ATP6V1H: variants seen among roughly 807,000 people sequenced by gnomAD.
The protein encoded by ATP6V1H is ATPase H+ transporting V1 subunit H, also known as V-type proton ATPase subunit H.
ATP6V1H carries 39 observed loss-of-function variants against 71.7 expected under a neutral mutation model. The ratio of observed to expected loss-of-function variants is 0.54; its 90% confidence interval spans 0.42 to 0.71. The LOEUF is 0.71. ATP6V1H is among the 30% of genes least tolerant of loss of function. ATP6V1H has a pLI of 0.00. For synonymous variants in ATP6V1H, 192 were observed against 199.3 expected, an observed-to-expected ratio of 0.96 and a Z score of 0.31; for missense variants, 509 against 594.9, an observed-to-expected ratio of 0.86 and a Z score of 1.50.
chr8:53,761,983 C>G lies in ATP6V1H; in HGVS notation c.1176-5327G>C, dbSNP rs533289025. 2.0e-5 allele frequency among the ~76,000 whole-genome samples: 3 copies of G among 152,260 alleles called. No individual in the cohort carries two copies. In the South Asian group the frequency reaches 6.2e-4, roughly 32 times the overall value. On this transcript the variant is annotated intron_variant, in intron 11 of 13. Transcript: ENST00000359530. ...GCTGGCAGGGAGGTAAGCCAAGGAG[C>G]AACCTGATTTACAACACAGAACTAT...
intron 7 of ATP6V1H, among the ~76,000 whole-genome samples, chr8:53,808,157 G>C (rs1810152236): frequency 6.6e-6 from 1 of 152,234 alleles, no homozygotes. Context: ...TCGTTCTCTT[G>C]CCTATGCGTA....
At chr8:53,755,710 ATATATATATATATATATAT>A (rs1808005234) in intron 12 of ATP6V1H, among the ~76,000 whole-genome samples, 1 of 10,428 alleles carries the variant, frequency 9.6e-5, no homozygotes, top group African/African-American at 3.5e-4. Flanking sequence ...ATATATATAT[ATATATATATATATATATAT>A]ATATATATAT....
chr8:53,784,933 G>A (rs1345294269), intron 9 of ATP6V1H, among the ~76,000 whole-genome samples: 1 of 152,144 alleles, frequency 6.6e-6, no homozygotes, highest in African/African-American at 2.4e-5. Context: ...GCTTCCCTTT[G>A]TGGGTAACCC....
chr8:53,750,600 C>A lies in ATP6V1H; in HGVS notation c.1277+5955G>T, dbSNP rs538970507. ...TATCAGTGGACCAGCAAAACATTTA[C>A]TTGCATCTCCAGAATATTTTTGTTA... On this transcript the variant is annotated intron_variant, in intron 12 of 13. Transcript: ENST00000359530. Among the ~76,000 whole-genome samples, 6 of 152,276 alleles carry A rather than the reference C, an allele frequency of 3.9e-5. No homozygotes were observed. In the South Asian group the frequency reaches 6.2e-4, roughly 16 times the overall value.
chr8:53,781,934 G>T (rs1450456849), intron 9 of ATP6V1H, among the ~76,000 whole-genome samples: 1 of 152,144 alleles, frequency 6.6e-6, no homozygotes, highest in Non-Finnish European at 1.5e-5. Context: ...TGCTGTTTTG[G>T]TTACTATAGC....
At chr8:53,837,540 T>G (rs1446697086) in intron 2 of ATP6V1H, among the ~76,000 whole-genome samples, 2 of 150,318 alleles carry the variant, frequency 1.3e-5, no homozygotes, top group East Asian at 3.9e-4. Context: ...TGAGATCACC[T>G]ATACAGCCAC....
chr8:53,728,558 T>G (rs947561903), intron 13 of ATP6V1H, among the ~76,000 whole-genome samples: 3 of 152,242 alleles, frequency 2.0e-5, no homozygotes, highest in African/African-American at 7.2e-5. Context: ...CATTACAATT[T>G]CACTGGGCTG....
At chr8:53,761,495 T>C (rs1442995331) in intron 11 of ATP6V1H, among the ~76,000 whole-genome samples, 2 of 152,170 alleles carry the variant, frequency 1.3e-5, no homozygotes, top group Non-Finnish European at 2.9e-5. Flanking sequence ...TCTCTTTAAG[T>C]GTATCATAAT....
intron 9 of ATP6V1H, among the ~76,000 whole-genome samples, chr8:53,772,781 G>T (rs148768870): frequency 1.3e-3 from 196 of 151,328 alleles, no homozygotes; most frequent in African/African-American, 4.2e-3. Context: ...AGCTGTCATG[G>T]AATTAAGCAA....
At chr8:53,745,771 G>T (rs1330108403) in intron 12 of ATP6V1H, among the ~76,000 whole-genome samples, 1 of 152,030 alleles carries the variant, frequency 6.6e-6, no homozygotes, top group African/African-American at 2.4e-5. Context: ...CCACGTAAAG[G>T]ACGCTTGTTT....
intron 12 of ATP6V1H, among the ~76,000 whole-genome samples, chr8:53,754,259 C>A (rs773317363): frequency 6.6e-6 from 1 of 152,080 alleles, no homozygotes; most frequent in Non-Finnish European, 1.5e-5. Context: ...TGAGAAATGT[C>A]TTCCTACAGT....
At chr8:53,789,991 T>C (rs1809516363) in intron 9 of ATP6V1H, among the ~76,000 whole-genome samples, 1 of 152,204 alleles carries the variant, frequency 6.6e-6, no homozygotes, top group African/African-American at 2.4e-5. Flanking sequence ...TGTAACCATC[T>C]TTCCTAACAG....
intron 7 of ATP6V1H, among the ~76,000 whole-genome samples, chr8:53,809,599 T>C (rs1261069144): frequency 6.6e-6 from 1 of 152,208 alleles, no homozygotes; most frequent in African/African-American, 2.4e-5. Context: ...GTTAATTTTG[T>C]TTTTCTAATA....
chr8:53,716,590 A>G (rs1806433429), intron 13 of ATP6V1H, among the ~76,000 whole-genome samples: 1 of 152,222 alleles, frequency 6.6e-6, no homozygotes, highest in South Asian at 2.1e-4. Context: ...CTGCACCAGC[A>G]CAGTCTAAAG....
At chr8:53,733,049 C>G (rs933166946) in intron 13 of ATP6V1H, among the ~76,000 whole-genome samples, 1 of 152,190 alleles carries the variant, frequency 6.6e-6, no homozygotes, top group Non-Finnish European at 1.5e-5. Flanking sequence ...CTTTGTGTAT[C>G]AACCCTTCAC....
intron 7 of ATP6V1H, among the ~76,000 whole-genome samples, chr8:53,803,931 T>C (rs1809995916): frequency 6.6e-6 from 1 of 152,218 alleles, no homozygotes; most frequent in South Asian, 2.1e-4. Flanking sequence ...TTACCATCAG[T>C]TTCCTCTCAT....
At chr8:53,806,831 C>G in intron 7 of ATP6V1H, 1 of 454,918 alleles carries the variant, frequency 2.2e-6, no homozygotes, top group Non-Finnish European at 4.4e-6. Flanking sequence ...AAGTGTTGAA[C>G]AGCTCGTGTA....
At chr8:53,743,812 A>C in intron 12 of ATP6V1H, 122 bp from the exon 13 acceptor site, 1 of 617,000 alleles carries the variant, frequency 1.6e-6, no homozygotes, top group Non-Finnish European at 2.8e-6. Context: ...AATAAACCAA[A>C]CGTGTCTTTT....
chr8:53,772,874 C>CGTGA (rs1244567609), intron 9 of ATP6V1H, among the ~76,000 whole-genome samples: 1 of 138,196 alleles, frequency 7.2e-6, no homozygotes, highest in African/African-American at 3.1e-5. Flanking sequence ...GCTACTTTCA[C>CGTGA]CAAGCTAGTT....
Sources: allele counts gnomAD v4.1 joint callset (sites outside exome capture counted in the v4.1 genomes callset), GRCh38; gene constraint gnomAD v4.1.1; transcripts MANE v1.5; gene names NCBI Gene and HGNC (gene_info 2026-07-23, HGNC 2026-07-21).